WBP1L: variants seen among roughly 807,000 people sequenced by gnomAD.
WBP1L encodes the protein WW domain binding protein 1 like, also known as WW domain binding protein 1-like.
Under a neutral mutation model 33.7 loss-of-function variants are expected in WBP1L, and 17 were observed. That is an observed-to-expected ratio of 0.50 (90% CI 0.34 to 0.76). The LOEUF (loss-of-function observed/expected upper bound fraction) is 0.76, where lower values mean the gene tolerates loss of function less well. Among genes scored for constraint, WBP1L ranks in the 30% least tolerant of loss-of-function variants. The pLI is 0.01. For missense variants in WBP1L, 389 were observed against 469.4 expected (o/e 0.83, Z 1.58); for synonymous variants, 173 against 190.8 (o/e 0.91, Z 0.77).
At chr10:102,782,311 G>C (rs1277044037) in intron 1 of WBP1L, among the ~76,000 whole-genome samples, 1 of 132,550 alleles carries the variant, frequency 7.5e-6, no homozygotes, top group African/African-American at 2.9e-5. Context: ...CAGTAACTTA[G>C]TGGAAAAGAG....
chr10:102,755,236 C>T (rs879320562), intron 1 of WBP1L, among the ~76,000 whole-genome samples: 16 of 150,948 alleles, frequency 1.1e-4, no homozygotes, highest in Admixed American at 2.6e-4. Context: ...TGTGAGCCAC[C>T]GCACCTGGCC....
rs970046448 is a variant in WBP1L at position 102,815,632 on chromosome 10, C to A, written c.*2301C>A. On this transcript the variant is annotated 3_prime_UTR_variant, in exon 4 of 4. Coordinates refer to ENST00000448841, the MANE Select transcript of WBP1L (RefSeq NM_001083913.2). ...AGAGGTAGCCGGAGTGTGTCACAGCCCCTCAGATGCCTTTCCTTCCACCTT... is the reference window on the plus strand; with the variant it reads ...AGAGGTAGCCGGAGTGTGTCACAGCACCTCAGATGCCTTTCCTTCCACCTT... 4 of 152,032 alleles carry A rather than the reference C, an allele frequency of 2.6e-5. No homozygotes were observed. Among genetic ancestry groups the A allele is most frequent in the African/African-American group, 9.7e-5 (4 of 41,398 alleles). 9.4% of individuals were successfully genotyped at this position (152,032 alleles called of 1,614,324 possible). A position where few individuals can be genotyped will look rare whatever the true frequency, so the allele number is the denominator to read the frequency against.
intron 1 of WBP1L, among the ~76,000 whole-genome samples, chr10:102,781,335 C>T (rs1327712179): frequency 6.6e-6 from 1 of 152,190 alleles, no homozygotes; most frequent in African/African-American, 2.4e-5. Flanking sequence ...CCAGCATTGA[C>T]TTGGGGTATT....
intron 1 of WBP1L, among the ~76,000 whole-genome samples, chr10:102,760,598 A>G (rs1843026478): frequency 6.7e-6 from 1 of 150,352 alleles, no homozygotes; most frequent in Non-Finnish European, 1.5e-5. Flanking sequence ...CTAGTCTCGA[A>G]CTCCTGAGCT....
At chr10:102,794,037 C>A (rs2134055572) in intron 1 of WBP1L, among the ~76,000 whole-genome samples, 1 of 152,286 alleles carries the variant, frequency 6.6e-6, no homozygotes, top group Non-Finnish European at 1.5e-5. Context: ...TCCCAAAGTG[C>A]TGAAATTATA....
chr10:102,800,447 G>C (rs923090598), intron 2 of WBP1L, among the ~76,000 whole-genome samples: 2 of 152,198 alleles, frequency 1.3e-5, no homozygotes, highest in Non-Finnish European at 2.9e-5. Context: ...CAAGGAGGTA[G>C]TCTGGGAAAG....
rs768335413 is a variant in WBP1L, at chr10:102,809,938, G to A, written c.239G>A (p.Cys80Tyr). The change falls in exon 3 of 4, where the codon TGT becomes TAT. Residue 80 changes from cysteine (C) to tyrosine (Y), a missense_variant. Cys to Tyr is a radical substitution (Grantham distance 194, BLOSUM62 -2). Coordinates refer to ENST00000448841, the MANE Select transcript of WBP1L (RefSeq NM_001083913.2). ...WTIIIILSCCCVCHHRRAKHR... is the reference protein window; with the variant it reads ...WTIIIILSCCYVCHHRRAKHR... ...ATCATCATCATCCTGAGCTGCTGCT[G>A]TGTTTGCCACCACCGCCGAGCCAAG... 1.2e-6 allele frequency: 2 copies of A among 1,613,974 alleles called. No individual in the cohort carries two copies. Among genetic ancestry groups the A allele is most frequent in the South Asian group, 2.2e-5 (2 of 91,080 alleles).
At position 102,745,873 on chromosome 10, in the gene WBP1L, A is replaced by AT. The variant is rs569706885; in HGVS notation, c.90+1738dup. On this transcript the variant is annotated intron_variant, in intron 1 of 3. Coordinates refer to ENST00000448841, the MANE Select transcript of WBP1L (RefSeq NM_001083913.2). The stretch of plus-strand genomic sequence containing the variant: ...AATCATAAACTGGCAGAAGAAATAT[A>AT]TTTTTTTTGTTTACTAGAAATGTTA... Among the ~76,000 whole-genome samples the AT allele has an allele frequency of 1.8e-3, 281 of 152,112 alleles. 6 individuals are homozygous for AT. The highest frequency in any genetic ancestry group is 0.016 in the Admixed American group (249 of 15,268).
At chr10:102,770,248 C>G (rs1843169678) in intron 1 of WBP1L, among the ~76,000 whole-genome samples, 1 of 152,180 alleles carries the variant, frequency 6.6e-6, no homozygotes, top group African/African-American at 2.4e-5. Context: ...TATTCATTCT[C>G]TCCTTTCTTG....
intron 1 of WBP1L, among the ~76,000 whole-genome samples, chr10:102,784,110 G>C (rs1843374891): frequency 6.6e-6 from 1 of 152,070 alleles, no homozygotes; most frequent in Non-Finnish European, 1.5e-5. Context: ...ATATGACCAA[G>C]TCCATCTGAA....
At chr10:102,747,406 A>G (rs373312978) in intron 1 of WBP1L, among the ~76,000 whole-genome samples, 27 of 152,132 alleles carry the variant, frequency 1.8e-4, no homozygotes, top group African/African-American at 5.1e-4. Flanking sequence ...AGATGCTCCA[A>G]ATAGTAAGGC....
intron 1 of WBP1L, among the ~76,000 whole-genome samples, chr10:102,784,864 T>G (rs1843391413): frequency 1.7e-5 from 1 of 58,812 alleles, no homozygotes. Flanking sequence ...CCCAGCCCAC[T>G]TTTTTTTCTT....
rs1179968004 is a variant in WBP1L, at chr10:102,810,026, CA to C, written c.329del (p.Asn110IlefsTer24). On this transcript the variant is annotated frameshift_variant, in exon 3 of 4. Coordinates refer to ENST00000448841, the MANE Select transcript of WBP1L (RefSeq NM_001083913.2). LOFTEE classifies it high-confidence loss of function. ...ACCTGATCGCTTACCGAGAAGCCCACAATTACTCAGCGCTGCCATTTTATTT... is the reference window on the plus strand; with the variant it reads ...ACCTGATCGCTTACCGAGAAGCCCACATTACTCAGCGCTGCCATTTTATTT... ...INLIAYREAH[N>X]YSALPFYFRF... 1 of 1,613,500 alleles carries C rather than the reference CA, an allele frequency of 6.2e-7. No individual in the cohort carries two copies.
rs113870746 is a variant in WBP1L, at chr10:102,781,129, G to A, written c.91-16864G>A. On this transcript the variant is annotated intron_variant, in intron 1 of 3. Coordinates refer to ENST00000448841, the MANE Select transcript of WBP1L (RefSeq NM_001083913.2). ...GTGAGCTGGTCCCTGGGCTGATGCC[G>A]AATGTGACAAGGCAACTAGAATGTT... Among the ~76,000 whole-genome samples, 719 of 152,286 alleles carry A rather than the reference G, an allele frequency of 4.7e-3. 10 individuals are homozygous for A. Among genetic ancestry groups the A allele is most frequent in the African/African-American group, 0.017 (697 of 41,542 alleles).
intron 1 of WBP1L, among the ~76,000 whole-genome samples, chr10:102,784,872 C>CTT (rs61102977): frequency 0.011 from 1,504 of 142,266 alleles, 26 homozygotes; most frequent in African/African-American, 0.036. Flanking sequence ...ACTTTTTTTT[C>CTT]TTTTTTTTTT....
chr10:102,783,988 A>G (rs1310427488), intron 1 of WBP1L, among the ~76,000 whole-genome samples: 3 of 152,164 alleles, frequency 2.0e-5, no homozygotes, highest in African/African-American at 7.2e-5. Context: ...AGAAATTTAG[A>G]ATTTTCACAT....
At chr10:102,778,956 G>A (rs1438360262) in intron 1 of WBP1L, among the ~76,000 whole-genome samples, 1 of 152,094 alleles carries the variant, frequency 6.6e-6, no homozygotes. Context: ...GAGAAGTTAA[G>A]CCATTTGCCC....
chr10:102,768,259 G>A (rs983750059), intron 1 of WBP1L, among the ~76,000 whole-genome samples: 1 of 150,178 alleles, frequency 6.7e-6, no homozygotes, highest in African/African-American at 2.5e-5. Context: ...ATTTTTAGTA[G>A]AGGCTGGTTT....
chr10:102,753,407 C>T (rs754604011), intron 1 of WBP1L, among the ~76,000 whole-genome samples: 3 of 152,154 alleles, frequency 2.0e-5, no homozygotes, highest in Non-Finnish European at 2.9e-5. Flanking sequence ...ACAAGTAAAT[C>T]CAGAACATTG....
Sources: gnomAD v4.1 joint callset for allele counts (sites outside exome capture counted in the v4.1 genomes callset) on GRCh38, gnomAD v4.1.1 for gene constraint, MANE v1.5 for transcripts, NCBI Gene and HGNC (gene_info 2026-07-23, HGNC 2026-07-21) for gene names.